Variants in NREP observed in about 807,000 individuals in gnomAD.
NREP encodes neuronal regeneration related protein, also known as neuronal regeneration-related protein.
In NREP, 5 loss-of-function variants were observed where a neutral mutation model predicts 8.6. The observed-to-expected ratio is 0.58, with a 90% CI of 0.30 to 1.22. The LOEUF is 1.22. NREP is among the 50% of genes most tolerant of loss of function. The pLI, the probability that NREP is intolerant of heterozygous loss-of-function variation, is 0.07. For synonymous variants in NREP, 27 were observed against 28.0 expected (o/e 0.96, Z 0.11); for missense variants, 86 against 82.5 (o/e 1.04, Z -0.17).
At chr5:111,885,045 G>T (rs971321400) in intron 2 of NREP, among the ~76,000 whole-genome samples, 3 of 152,190 alleles carry the variant, frequency 2.0e-5, no homozygotes, top group Non-Finnish European at 2.9e-5. Flanking sequence ...GTCCCTGTTT[G>T]CAGATGACAT....
intron 2 of NREP, among the ~76,000 whole-genome samples, chr5:111,957,509 C>T (rs1309747112): frequency 6.6e-6 from 1 of 151,590 alleles, no homozygotes; most frequent in Non-Finnish European, 1.5e-5. Flanking sequence ...CATAGATAAC[C>T]CCTATTTTAT....
At chr5:111,756,311 A>AAAACCT in intron 1 of NREP, 1 of 299,002 alleles carries the variant, frequency 3.3e-6, no homozygotes, top group Non-Finnish European at 4.5e-6. Context: ...AAAAAAAAAA[A>AAAACCT]ACCCTACACG....
At chr5:111,835,980 G>T (rs1165568411) in intron 2 of NREP, among the ~76,000 whole-genome samples, 1 of 152,132 alleles carries the variant, frequency 6.6e-6, no homozygotes, top group Non-Finnish European at 1.5e-5. Context: ...GGAAAGCCAA[G>T]AATTCAGGTT....
chr5:111,805,243 A>G (rs2112908446), intron 2 of NREP, among the ~76,000 whole-genome samples: 2 of 152,354 alleles, frequency 1.3e-5, no homozygotes, highest in Middle Eastern at 6.8e-3. Flanking sequence ...GGAATGTAAA[A>G]TTACACAACT....
intron 2 of NREP, chr5:111,845,925 T>G (rs1753151191): frequency 6.6e-6 from 1 of 151,888 alleles, no homozygotes; most frequent in Non-Finnish European, 1.5e-5. Context: ...CAAGACATGT[T>G]AAGTGCACAA....
At chr5:111,865,778 G>A (rs1753650415) in intron 2 of NREP, among the ~76,000 whole-genome samples, 1 of 152,028 alleles carries the variant, frequency 6.6e-6, no homozygotes. Context: ...GAGGTAACGT[G>A]GATACAAAGC....
At chr5:111,798,513 CA>C (rs1345241641) in intron 2 of NREP, among the ~76,000 whole-genome samples, 1 of 152,044 alleles carries the variant, frequency 6.6e-6, no homozygotes, top group Non-Finnish European at 1.5e-5. Context: ...TATTCCTTGC[CA>C]CCCCCAACTC....
intron 2 of NREP, among the ~76,000 whole-genome samples, chr5:111,844,801 C>G (rs1305017697): frequency 6.7e-6 from 1 of 150,352 alleles, no homozygotes; most frequent in African/African-American, 2.4e-5. Context: ...AGATAAAATA[C>G]CCCAATAATT....
chr5:111,975,544 C>A (rs573740267), intron 1 of NREP, among the ~76,000 whole-genome samples: 19 of 152,092 alleles, frequency 1.2e-4, no homozygotes, highest in Non-Finnish European at 2.2e-4. Context: ...TCCATGAAGA[C>A]TCTTTTGAGA....
chr5:111,827,849 CAAAA>C (rs1752664760), intron 2 of NREP, among the ~76,000 whole-genome samples: 1 of 151,816 alleles, frequency 6.6e-6, no homozygotes, highest in Non-Finnish European at 1.5e-5. Flanking sequence ...TCTCAAAAAA[CAAAA>C]GAAAACAAAC....
intron 2 of NREP, among the ~76,000 whole-genome samples, chr5:111,879,135 C>T (rs1454947762): frequency 6.6e-6 from 1 of 152,178 alleles, no homozygotes; most frequent in Non-Finnish European, 1.5e-5. Flanking sequence ...GCCCCTGCTC[C>T]CACCCCACCT....
intron 2 of NREP, among the ~76,000 whole-genome samples, chr5:111,844,950 T>C (rs1006815515): frequency 6.6e-6 from 1 of 151,746 alleles, no homozygotes; most frequent in Non-Finnish European, 1.5e-5. Flanking sequence ...CTAATAAATA[T>C]TATATATATA....
chr5:111,862,743 C>T (rs1753578408), intron 2 of NREP, among the ~76,000 whole-genome samples: 1 of 151,806 alleles, frequency 6.6e-6, no homozygotes, highest in South Asian at 2.1e-4. Context: ...ATCGAGTTTA[C>T]AATCTACTAA....
At chr5:111,789,639 C>A (rs1391806038) in intron 2 of NREP, among the ~76,000 whole-genome samples, 2 of 151,926 alleles carry the variant, frequency 1.3e-5, no homozygotes, top group African/African-American at 4.8e-5. Context: ...GCATATAGAC[C>A]CCCATGGTTG....
chr5:111,781,942 TA>T (rs1429400927), intron 2 of NREP, among the ~76,000 whole-genome samples: 1 of 152,108 alleles, frequency 6.6e-6, no homozygotes, highest in East Asian at 1.9e-4. Context: ...ACCATGTGAT[TA>T]AAAATTTACT....
At chr5:111,807,281 G>A (rs1752164681) in intron 2 of NREP, among the ~76,000 whole-genome samples, 1 of 151,972 alleles carries the variant, frequency 6.6e-6, no homozygotes, top group Admixed American at 6.6e-5. Context: ...TTATAAAATG[G>A]AAAAAATAAC....
rs186309659 is a variant in NREP, at chr5:111,819,987, G to A, written c.136-84480C>T. On this transcript the variant is annotated intron_variant, in intron 2 of 3. Coordinates refer to the NREP transcript ENST00000395634. ...AAAAATTGCCACAGATACTGACAAA[G>A]ACTCTCTCCTTGATCAAACTTTAGT... is the stretch of plus-strand genomic sequence containing the variant. Among the ~76,000 whole-genome samples, 22 of 152,230 alleles carry A rather than the reference G, an allele frequency of 1.4e-4. 1 individual carries two copies. The East Asian group carries it at 3.9e-3, about 27-fold the overall frequency.
chr5:111,839,281 G>A (rs1752968093), intron 2 of NREP, among the ~76,000 whole-genome samples: 1 of 152,052 alleles, frequency 6.6e-6, no homozygotes, highest in Non-Finnish European at 1.5e-5. Context: ...TCACTAGCTG[G>A]GGGAACACAA....
At chr5:111,890,659 T>G (rs1246085587) in intron 2 of NREP, among the ~76,000 whole-genome samples, 1 of 152,220 alleles carries the variant, frequency 6.6e-6, no homozygotes, top group Non-Finnish European at 1.5e-5. Context: ...TAACACTACA[T>G]GGAAGCTGCC....
Sources: gnomAD v4.1 joint callset for allele counts (sites outside exome capture counted in the v4.1 genomes callset) on GRCh38, gnomAD v4.1.1 for gene constraint, MANE v1.5 for transcripts, NCBI Gene and HGNC (gene_info 2026-07-23, HGNC 2026-07-21) for gene names.